The following SCGB1D1 variants were observed in gnomAD, a reference collection of about 807,000 sequenced individuals.
SCGB1D1 encodes the protein secretoglobin family 1D member 1, also known as lipophilin A (uteroglobin family member).
In SCGB1D1, 10 loss-of-function variants were observed where a neutral mutation model predicts 8.3. That is an observed-to-expected ratio of 1.21 (90% confidence interval 0.74 to 2.05). The LOEUF (loss-of-function observed/expected upper bound fraction) is 2.05, where lower values mean the gene tolerates loss of function less well. Ranked by LOEUF, SCGB1D1 falls within the 30% of genes most tolerant of loss-of-function variation. The probability of loss-of-function intolerance (pLI) is 0.00; values close to 1 mark genes in which losing one functional copy is unlikely to be tolerated. For synonymous variants in SCGB1D1, 46 were observed against 41.7 expected, an observed-to-expected ratio of 1.10 and a Z score of -0.39; for missense variants, 94 against 105.1, an observed-to-expected ratio of 0.89 and a Z score of 0.46.
At chr11:62,191,733 T>A (rs1483173746) in intron 1 of SCGB1D1, among the ~76,000 whole-genome samples, 8 of 152,334 alleles carry the variant, frequency 5.3e-5, no homozygotes, top group Admixed American at 1.3e-4. Context: ...GTCACTTAAC[T>A]GGCATAGAAA....
chr11:62,192,463 A>G (rs1944685770), intron 2 of SCGB1D1, among the ~76,000 whole-genome samples: 1 of 152,198 alleles, frequency 6.6e-6, no homozygotes, highest in African/African-American at 2.4e-5. Context: ...CCTCCTTCTC[A>G]GGTCACCTAC....
intron 2 of SCGB1D1, 26 bp downstream of exon 2, chr11:62,192,269 C>G: frequency 6.3e-7 from 1 of 1,585,906 alleles, no homozygotes; most frequent in South Asian, 1.1e-5. Context: ...TTCATGTGTC[C>G]AGGCTTCTGG....
rs1164578298 is a variant in SCGB1D1 at position 62,190,218 on chromosome 11, G to A, written c.-67G>A. 2 of 1,604,236 alleles carry A rather than the reference G, an allele frequency of 1.2e-6. No homozygotes were observed. Among genetic ancestry groups the A allele is most frequent in the Admixed American group, 1.7e-5 (1 of 59,822 alleles). ...AGCCCTGGGCTCCACGGCTCCACAGGCTCCCGGGGCTGAGTCTAAATCACT... is the reference window on the plus strand; with the variant it reads ...AGCCCTGGGCTCCACGGCTCCACAGACTCCCGGGGCTGAGTCTAAATCACT... On this transcript the variant is annotated 5_prime_UTR_variant, in exon 1 of 3. Coordinates refer to ENST00000306238, the MANE Select transcript of SCGB1D1 (RefSeq NM_006552.2).
Position 62,193,460 on chromosome 11 carries a change from C to T in SCGB1D1, c.*32C>T, listed in dbSNP as rs1424992828. Reference sequence around the variant, plus strand: ...AAAAGTTTTTAATGCTAGTTTCCACCATCTTTCAATGATACCCTGATCTTC... The same window carrying T: ...AAAAGTTTTTAATGCTAGTTTCCACTATCTTTCAATGATACCCTGATCTTC... On this transcript the variant is annotated 3_prime_UTR_variant, in exon 3 of 3. Transcript: ENST00000306238. 2 of 1,578,760 alleles carry T rather than the reference C, an allele frequency of 1.3e-6. No individual in the cohort carries two copies. Among genetic ancestry groups the T allele is most frequent in the Admixed American group, 3.4e-5 (2 of 59,642 alleles).
chr11:62,193,236 T>TGGTCTA (rs1329557669), intron 2 of SCGB1D1, among the ~76,000 whole-genome samples, 163 bp from the exon 3 acceptor site: 3 of 152,164 alleles, frequency 2.0e-5, no homozygotes, highest in Non-Finnish European at 2.9e-5. Context: ...AAGGAAAGGC[T>TGGTCTA]GGTCTAGGTC....
chr11:62,193,017 G>A (rs908259191), intron 2 of SCGB1D1, among the ~76,000 whole-genome samples: 3 of 152,206 alleles, frequency 2.0e-5, no homozygotes, highest in African/African-American at 4.8e-5. Flanking sequence ...ATTCCCACAT[G>A]GGGAGGCTGG....
rs973796180 is a variant in SCGB1D1, at chr11:62,193,375, C to T, written c.244-24C>T. ...GGAGCTGCATGACCGACCTCACCTT[C>T]CTTTCTTTCCTTTTCTATTTCAGGG... is the stretch of plus-strand genomic sequence containing the variant. On this transcript the variant is annotated intron_variant, in intron 2 of 2. Coordinates refer to ENST00000306238, the MANE Select transcript of SCGB1D1 (RefSeq NM_006552.2). 2.5e-6 allele frequency: 4 copies of T among 1,611,434 alleles called. No individual in the cohort carries two copies. In the African/African-American group the frequency reaches 4.0e-5, roughly 16 times the overall value.
rs1210359549 is a variant in SCGB1D1 at position 62,192,252 on chromosome 11, T to G, written c.243+9T>G. 2 of 1,595,532 alleles carry G rather than the reference T, an allele frequency of 1.3e-6. No homozygotes were observed. Among genetic ancestry groups the G allele is most frequent in the Non-Finnish European group, 1.7e-6 (2 of 1,166,798 alleles). On this transcript the variant is annotated intron_variant, in intron 2 of 2. Coordinates refer to ENST00000306238, the MANE Select transcript of SCGB1D1 (RefSeq NM_006552.2). The stretch of plus-strand genomic sequence containing the variant: ...TAATTACAAAAACATTGGTAATTTC[T>G]GTCTCTTTCATGTGTCCAGGCTTCT...
chr11:62,193,441 T>C lies in SCGB1D1; in HGVS notation c.*13T>C. On this transcript the variant is annotated 3_prime_UTR_variant, in exon 3 of 3. Transcript: ENST00000306238. The stretch of plus-strand genomic sequence containing the variant: ...ATGTGATCGCTGAGATGTAAAAAGT[T>C]TTTAATGCTAGTTTCCACCATCTTT... 1 of 1,608,586 alleles carries C rather than the reference T, an allele frequency of 6.2e-7. No individual in the cohort carries two copies. Among genetic ancestry groups the C allele is most frequent in the Non-Finnish European group, 8.5e-7 (1 of 1,175,672 alleles).
intron 1 of SCGB1D1, among the ~76,000 whole-genome samples, chr11:62,191,841 A>T (rs979937821): frequency 6.6e-6 from 1 of 152,248 alleles, no homozygotes; most frequent in Non-Finnish European, 1.5e-5. Context: ...ACAAAGACTG[A>T]ATGAGTGATC....
chr11:62,190,464 C>G, intron 1 of SCGB1D1, 125 bp downstream of exon 1: 1 of 1,143,718 alleles, frequency 8.7e-7, no homozygotes, highest in Non-Finnish European at 1.3e-6. Flanking sequence ...TTATCCTGTG[C>G]TTGTTGAAGG....
chr11:62,192,954 A>G (rs1944690513), intron 2 of SCGB1D1, among the ~76,000 whole-genome samples: 2 of 152,124 alleles, frequency 1.3e-5, no homozygotes, highest in Admixed American at 6.5e-5. Flanking sequence ...TTAGCTGCAA[A>G]TGCTCATGGA....
At chr11:62,192,365 G>A (rs566084820) in intron 2 of SCGB1D1, 122 bp downstream of exon 2, 39 of 801,480 alleles carry the variant, frequency 4.9e-5, no homozygotes, top group South Asian at 1.7e-4. Context: ...ACTGGTCACC[G>A]CTTGAGAAGG....
At chr11:62,193,232 A>G (rs1008454685) in intron 2 of SCGB1D1, among the ~76,000 whole-genome samples, 167 bp from the exon 3 acceptor site, 9 of 152,230 alleles carry the variant, frequency 5.9e-5, no homozygotes, top group Non-Finnish European at 1.2e-4. Context: ...TGGCAAGGAA[A>G]GGCTGGTCTA....
chr11:62,192,338 G>T, intron 2 of SCGB1D1, 95 bp downstream of exon 2: 1 of 1,134,670 alleles, frequency 8.8e-7, no homozygotes, highest in Admixed American at 2.1e-5. Context: ...GGACACAGGT[G>T]GTGGGGCACC....
At chr11:62,192,765 C>G (rs1444002307) in intron 2 of SCGB1D1, among the ~76,000 whole-genome samples, 2 of 152,216 alleles carry the variant, frequency 1.3e-5, no homozygotes, top group Admixed American at 1.3e-4. Context: ...TCCTCAGACT[C>G]CACGCTCCCC....
At chr11:62,192,473 C>T (rs1198901119) in intron 2 of SCGB1D1, among the ~76,000 whole-genome samples, 4 of 152,180 alleles carry the variant, frequency 2.6e-5, no homozygotes, top group Non-Finnish European at 5.9e-5. Context: ...AGGTCACCTA[C>T]CTGGATGCCG....
rs774162033 is a variant in SCGB1D1 at position 62,193,393 on chromosome 11, T to C, written c.244-6T>C. On this transcript the variant is annotated splice_region_variant and splice_polypyrimidine_tract_variant and intron_variant, in intron 2 of 2. Coordinates refer to ENST00000306238, the MANE Select transcript of SCGB1D1 (RefSeq NM_006552.2). ...TCACCTTCCTTTCTTTCCTTTTCTA[T>C]TTCAGGGAAAAATAGCAGAGAAATG... is the stretch of plus-strand genomic sequence containing the variant. The C allele has an allele frequency of 1.9e-6, 3 of 1,612,494 alleles. No homozygotes were observed. Among genetic ancestry groups the C allele is most frequent in the Non-Finnish European group, 8.5e-7 (1 of 1,179,346 alleles).
At chr11:62,190,467 G>C (rs1944670163) in intron 1 of SCGB1D1, 128 bp downstream of exon 1, 3 of 1,126,694 alleles carry the variant, frequency 2.7e-6, no homozygotes, top group East Asian at 5.0e-5. Flanking sequence ...TCCTGTGCTT[G>C]TTGAAGGAAC....
Sources: allele counts gnomAD v4.1 joint callset (sites outside exome capture counted in the v4.1 genomes callset), GRCh38; gene constraint gnomAD v4.1.1; transcripts MANE v1.5; gene names NCBI Gene and HGNC (gene_info 2026-07-23, HGNC 2026-07-21).